The following EPB41L4A variants were observed in gnomAD, a reference collection of about 807,000 sequenced individuals.
The protein encoded by EPB41L4A is band 4.1-like protein 4A.
EPB41L4A carries 100 observed loss-of-function variants against 108.6 expected under a neutral mutation model. The ratio of observed to expected loss-of-function variants is 0.92; its 90% CI spans 0.78 to 1.09. The LOEUF is 1.09. EPB41L4A is among the 50% of genes least tolerant of loss of function. EPB41L4A has a pLI of 0.00. For missense variants in EPB41L4A, 1,030 were observed against 842.7 expected, an observed-to-expected ratio of 1.22 and a Z score of -2.75; for synonymous variants, 319 against 289.0, an observed-to-expected ratio of 1.10 and a Z score of -1.05.
chr5:112,345,839 A>G (rs372368346), intron 1 of EPB41L4A, among the ~76,000 whole-genome samples: 1 of 151,368 alleles, frequency 6.6e-6, no homozygotes, highest in Non-Finnish European at 1.5e-5. Flanking sequence ...ATAAAGCCCC[A>G]GCAACCTGGG....
intron 1 of EPB41L4A, among the ~76,000 whole-genome samples, chr5:112,402,847 C>T: frequency 6.6e-6 from 1 of 152,198 alleles, no homozygotes; most frequent in South Asian, 2.1e-4. Context: ...AATGTTGTTT[C>T]AATACATAAA....
chr5:112,303,033 CCT>C (rs1754466300), intron 2 of EPB41L4A, among the ~76,000 whole-genome samples: 1 of 152,158 alleles, frequency 6.6e-6, no homozygotes, highest in Non-Finnish European at 1.5e-5. Context: ...TGATCTTTCC[CCT>C]CTGTTCCTCC....
intron 12 of EPB41L4A, among the ~76,000 whole-genome samples, chr5:112,229,174 CACG>C (rs1262652090): frequency 1.3e-5 from 2 of 152,272 alleles, no homozygotes; most frequent in African/African-American, 4.8e-5. Context: ...TAACCCCCAT[CACG>C]ACTTTTTAAA....
chr5:112,206,143 A>C lies in EPB41L4A; in HGVS notation c.1179-639T>G, dbSNP rs1006485927. ...GAAACCCCTGGGGAGACATGGAGGA[A>C]GGGACTAATCAGAAGCCTCCAGGCA... is the stretch of plus-strand genomic sequence containing the variant. On this transcript the variant is annotated intron_variant, in intron 13 of 22. Transcript: ENST00000261486. 5 of 152,408 alleles carry C rather than the reference A, an allele frequency of 3.3e-5. No individual in the cohort carries two copies. In the East Asian group the frequency reaches 7.7e-4, roughly 24 times the overall value. 9.4% of individuals were successfully genotyped at this position (152,408 alleles called of 1,614,324 possible).
chr5:112,391,649 A>G (rs1760949764), intron 1 of EPB41L4A, among the ~76,000 whole-genome samples: 1 of 152,202 alleles, frequency 6.6e-6, no homozygotes, highest in Admixed American at 6.5e-5. Flanking sequence ...CAAGGGGGAA[A>G]ACACTCTTCA....
At chr5:112,363,728 T>C (rs1158925389) in intron 1 of EPB41L4A, 4 of 107,068 alleles carry the variant, frequency 3.7e-5, no homozygotes, top group Non-Finnish European at 6.5e-5. Context: ...ATGATTCTGA[T>C]AGCTTAAATT....
chr5:112,361,152 G>A (rs1373502556), intron 1 of EPB41L4A, among the ~76,000 whole-genome samples: 2 of 152,194 alleles, frequency 1.3e-5, no homozygotes, highest in Non-Finnish European at 2.9e-5. Context: ...AGACATAGGA[G>A]ACTCCATTTT....
Position 112,275,526 on chromosome 5 carries a change from A to C in EPB41L4A, c.257-122T>G, listed in dbSNP as rs1472405012. The C allele has an allele frequency of 3.3e-6, 4 of 1,195,104 alleles. No homozygotes were observed. The African/African-American group carries it at 4.7e-5, about 14-fold the overall frequency. The allele number at this position is 1,195,104 out of a possible 1,614,324, so 74.0% of individuals were successfully genotyped here. A position where few individuals can be genotyped will look rare whatever the true frequency, so the allele number is the denominator to read the frequency against. ...TTGTCTAAAGAAACAAGAAAACATA[A>C]GATAAAAACAGCAAGGTTCAGAACT... On this transcript the variant is annotated intron_variant, in intron 3 of 22. Transcript: ENST00000261486.
intron 1 of EPB41L4A, among the ~76,000 whole-genome samples, chr5:112,360,589 G>A (rs1297854411): frequency 1.3e-5 from 2 of 152,230 alleles, no homozygotes; most frequent in Admixed American, 1.3e-4. Context: ...ATGTTGCCCA[G>A]GCTGGAGTGC....
intron 12 of EPB41L4A, among the ~76,000 whole-genome samples, chr5:112,222,583 T>G (rs1359119216): frequency 6.6e-6 from 1 of 152,236 alleles, no homozygotes; most frequent in Non-Finnish European, 1.5e-5. Context: ...TAAGCCTCCC[T>G]TCCCCTCTCT....
At chr5:112,309,698 C>T (rs1041561016) in intron 1 of EPB41L4A, among the ~76,000 whole-genome samples, 1 of 152,124 alleles carries the variant, frequency 6.6e-6, no homozygotes, top group African/African-American at 2.4e-5. Context: ...GCACAGTTGA[C>T]GTTAAGATAG....
rs79868931 is a variant in EPB41L4A, at chr5:112,405,483, T to G, written c.99+13458A>C. On this transcript the variant is annotated intron_variant, in intron 1 of 22. Coordinates refer to ENST00000261486, the MANE Select transcript of EPB41L4A (RefSeq NM_022140.5). Reference sequence around the variant, plus strand: ...GCAATAGATAATGCAGGAGCAAAATTTGTTATAAACTAGTATAAGGCTACT... The same window carrying G: ...GCAATAGATAATGCAGGAGCAAAATGTGTTATAAACTAGTATAAGGCTACT... Among the ~76,000 whole-genome samples the G allele has an allele frequency of 5.1e-3, 773 of 152,332 alleles. 2 individuals are homozygous for G. The highest frequency in any genetic ancestry group is 0.018 in the African/African-American group (736 of 41,576).
downstream of EPB41L4A, chr5:112,161,516 T>C (rs532067110): frequency 5.4e-5 from 28 of 519,058 alleles, no homozygotes; most frequent in Non-Finnish European, 1.0e-4. Flanking sequence ...CTTTGGAAAC[T>C]AGTGAATGTG....
At position 112,307,261 on chromosome 5, in the gene EPB41L4A, G is replaced by A. The variant is rs996864330; in HGVS notation, c.204+125C>T. The A allele has an allele frequency of 9.6e-6, 6 of 623,146 alleles. No homozygotes were observed. The Middle Eastern group carries it at 1.0e-3, about 107-fold the overall frequency. 38.6% of individuals were successfully genotyped at this position (623,146 alleles called of 1,614,324 possible). A position where few individuals can be genotyped will look rare whatever the true frequency, so the allele number is the denominator to read the frequency against. The stretch of plus-strand genomic sequence containing the variant: ...CAAAGAAATTATCAGGGGAAAACAT[G>A]TTTGAGATTTTCAAAGTCTTTTTCA... On this transcript the variant is annotated intron_variant, in intron 2 of 22. Coordinates refer to ENST00000261486, the MANE Select transcript of EPB41L4A (RefSeq NM_022140.5).
chr5:112,271,303 A>C (rs1269598211), intron 4 of EPB41L4A, among the ~76,000 whole-genome samples: 1 of 152,224 alleles, frequency 6.6e-6, no homozygotes, highest in Non-Finnish European at 1.5e-5. Flanking sequence ...GTCTTTTCCA[A>C]ATGTTTTAAT....
At chr5:112,385,439 C>A (rs1220431225) in intron 1 of EPB41L4A, among the ~76,000 whole-genome samples, 1 of 147,906 alleles carries the variant, frequency 6.8e-6, no homozygotes, top group Non-Finnish European at 1.5e-5. Flanking sequence ...AAGAAAATCA[C>A]AGAAAAGCCA....
chr5:112,200,217 G>A (rs1484503497), intron 15 of EPB41L4A, among the ~76,000 whole-genome samples: 2 of 152,092 alleles, frequency 1.3e-5, no homozygotes, highest in African/African-American at 4.8e-5. Context: ...TATCTGGTAT[G>A]ATTGCTCCTT....
chr5:112,197,191 C>G (rs1473695764), intron 15 of EPB41L4A, among the ~76,000 whole-genome samples: 1 of 152,146 alleles, frequency 6.6e-6, no homozygotes, highest in Non-Finnish European at 1.5e-5. Context: ...ACTGTTTAAA[C>G]AAACATAGAC....
At chr5:112,401,152 G>C (rs1028887667) in intron 1 of EPB41L4A, among the ~76,000 whole-genome samples, 34 of 152,148 alleles carry the variant, frequency 2.2e-4, no homozygotes, top group African/African-American at 8.2e-4. Context: ...CTATCTATGA[G>C]AGGAAATGAA....
Sources: allele counts gnomAD v4.1 joint callset (sites outside exome capture counted in the v4.1 genomes callset), GRCh38; gene constraint gnomAD v4.1.1; transcripts MANE v1.5; gene names NCBI Gene and HGNC (gene_info 2026-07-23, HGNC 2026-07-21).